NPDC1: variants seen among roughly 807,000 people sequenced by gnomAD.
NPDC1 encodes the protein neural proliferation, differentiation and control 1, also known as neural proliferation differentiation and control protein 1.
NPDC1 carries 18 observed loss-of-function variants against 32.5 expected under a neutral mutation model. The ratio of observed to expected loss-of-function variants is 0.55; its 90% CI spans 0.38 to 0.82. The LOEUF (loss-of-function observed/expected upper bound fraction) is 0.82. Ranked by LOEUF, NPDC1 falls within the 40% of genes least tolerant of loss-of-function variation. NPDC1 has a pLI of 0.00. For synonymous variants in NPDC1, 210 were observed against 184.7 expected, an observed-to-expected ratio of 1.14 and a Z score of -1.11; for missense variants, 468 against 406.6, an observed-to-expected ratio of 1.15 and a Z score of -1.30.
At chr9:137,044,917 G>A (rs1035880612) in intron 1 of NPDC1, among the ~76,000 whole-genome samples, 1 of 152,242 alleles carries the variant, frequency 6.6e-6, no homozygotes, top group Non-Finnish European at 1.5e-5. Flanking sequence ...GGCCCCTTGA[G>A]GCCACACACA....
Position 137,046,082 on chromosome 9 carries a change from G to C in NPDC1, c.-93C>G. The C allele has an allele frequency of 1.8e-6, 2 of 1,100,758 alleles. No homozygotes were observed. The highest frequency in any genetic ancestry group is 4.0e-4 in the Middle Eastern group (1 of 2,512). 68.2% of individuals were successfully genotyped at this position (1,100,758 alleles called of 1,614,324 possible). A position where few individuals can be genotyped will look rare whatever the true frequency, so the allele number is the denominator to read the frequency against. ...CGCGTCGGGAGCAGCGGAGGCAGCG[G>C]GGGAGGACGCAGGAGGAAGAAGAGG... On this transcript the variant is annotated 5_prime_UTR_variant, in exon 1 of 9. Coordinates refer to ENST00000371601, the MANE Select transcript of NPDC1 (RefSeq NM_015392.4).
chr9:137,040,795 AC>A lies in NPDC1; in HGVS notation c.556+18del. On this transcript the variant is annotated intron_variant, in intron 4 of 8. Coordinates refer to ENST00000371601, the MANE Select transcript of NPDC1 (RefSeq NM_015392.4). The stretch of plus-strand genomic sequence containing the variant: ...GCAGGGCGCCCTGCTGCCCCTGCCC[AC>A]CCCCGACCAAGACCTACCAAGGGCG... The A allele has an allele frequency of 6.3e-7, 1 of 1,585,572 alleles. No homozygotes were observed.
intron 1 of NPDC1, 125 bp from the exon 2 acceptor site, chr9:137,043,198 A>C: frequency 1.1e-6 from 1 of 886,176 alleles, no homozygotes; most frequent in African/African-American, 1.9e-5. Context: ...GGTTCTGGCC[A>C]TTGTTCTGGA....
rs1832011922 is a variant in NPDC1, at chr9:137,039,514, C to G, written c.*258G>C. Reference sequence around the variant, plus strand: ...GGCTTTTGTCTCTAGAATTACCCACCCGTTCCTGCGCTCTACGGTTCTCCA... The same window carrying G: ...GGCTTTTGTCTCTAGAATTACCCACGCGTTCCTGCGCTCTACGGTTCTCCA... On this transcript the variant is annotated 3_prime_UTR_variant, in exon 9 of 9. Transcript: ENST00000371601. 2.4e-6 allele frequency: 1 copy of G among 425,258 alleles called. No individual in the cohort carries two copies. The highest frequency in any genetic ancestry group is 4.2e-6 in the Non-Finnish European group (1 of 240,050). 26.3% of individuals were successfully genotyped at this position (425,258 alleles called of 1,614,324 possible).
chr9:137,040,129 G>A (rs908385138), intron 7 of NPDC1, 62 bp from the exon 8 acceptor site: 11 of 744,252 alleles, frequency 1.5e-5, no homozygotes, highest in Admixed American at 1.3e-4. Flanking sequence ...GCCCAGTCTG[G>A]AAGTGGGCAC....
At position 137,042,886 on chromosome 9, in the gene NPDC1, C is replaced by A. The variant is rs766639402; in HGVS notation, c.259+41G>T. 165 of 1,557,334 alleles carry A rather than the reference C, an allele frequency of 1.1e-4. 1 individual carries two copies. The South Asian group carries it at 1.6e-3, about 15-fold the overall frequency. On this transcript the variant is annotated intron_variant, in intron 2 of 8. Transcript: ENST00000371601. ...CGCTTCTTACAGGGAGAGGTTCATG[C>A]AGGGACATCCCCCCATCGACTTCCC... is the stretch of plus-strand genomic sequence containing the variant.
At position 137,040,695 on chromosome 9, in the gene NPDC1, G is replaced by T; in HGVS notation, c.599C>A (p.Ser200Tyr). 1.3e-6 allele frequency: 2 copies of T among 1,586,094 alleles called. No homozygotes were observed. The change falls in exon 5 of 9, where the codon TCC becomes TAC. Residue 200 changes from serine to tyrosine, a missense_variant. Transcript: ENST00000371601. ...CCTGCACCAGCAGAGGGAGGCTACG[G>T]AGAGGGCGGCTGCACCGGCCACACA... is the stretch of plus-strand genomic sequence containing the variant. ...AFCVAGAAAL[S>Y]VASLCWCRLQ...
At chr9:137,042,677 A>G (rs1832075122) in intron 2 of NPDC1, among the ~76,000 whole-genome samples, 1 of 149,534 alleles carries the variant, frequency 6.7e-6, no homozygotes, top group Non-Finnish European at 1.5e-5. Flanking sequence ...CTCCTGCCTC[A>G]GCCTCCTGAG....
At chr9:137,040,632 G>A (rs375075118) in intron 5 of NPDC1, 34 bp from the exon 6 acceptor site, 1 of 1,562,638 alleles carries the variant, frequency 6.4e-7, no homozygotes. Flanking sequence ...CTCTGAGCGT[G>A]TGGCACCCTC....
rs933716339 is a variant in NPDC1 at position 137,043,265 on chromosome 9, C to A, written c.113-192G>T. 5.4e-6 allele frequency: 4 copies of A among 735,320 alleles called. No homozygotes were observed. The East Asian group carries it at 1.1e-4, about 20-fold the overall frequency. 45.5% of individuals were successfully genotyped at this position (735,320 alleles called of 1,614,324 possible). On this transcript the variant is annotated intron_variant, in intron 1 of 8. Coordinates refer to ENST00000371601, the MANE Select transcript of NPDC1 (RefSeq NM_015392.4). Reference sequence around the variant, plus strand: ...AACCCGGAAGCGAACAGTCCTAGGACTTATCAGAACTACCCTGCCCCACCC... The same window carrying A: ...AACCCGGAAGCGAACAGTCCTAGGAATTATCAGAACTACCCTGCCCCACCC...
In NPDC1 at chr9:137,040,982, T is replaced by G. The variant is rs1588547649; in HGVS notation, c.388A>C (p.Thr130Pro). 6.5e-7 allele frequency: 1 copy of G among 1,535,942 alleles called. No individual in the cohort carries two copies. Among genetic ancestry groups the G allele is most frequent in the South Asian group, 1.3e-5 (1 of 78,520 alleles). The change falls in exon 4 of 9, where the codon ACC (threonine) becomes CCC (proline). Residue 130 changes from threonine to proline, a missense_variant and splice_region_variant. Physicochemically the swap from Thr to Pro is conservative, Grantham distance 38. Transcript: ENST00000371601. Reference sequence around the variant, plus strand: ...TGCCCCCGTGCCGAGAAGCCCAGGGTGGCTGCGAGAGAGGACAGGTTAGAA... The same window carrying G: ...TGCCCCCGTGCCGAGAAGCCCAGGGGGGCTGCGAGAGAGGACAGGTTAGAA... Reference protein sequence around the residue: ...KDRQRLPEPATLGFSARGQGL... With the variant: ...KDRQRLPEPAPLGFSARGQGL...
intron 6 of NPDC1, 31 bp downstream of exon 6, chr9:137,040,483 G>A (rs375911187): frequency 1.1e-5 from 17 of 1,579,662 alleles, no homozygotes; most frequent in African/African-American, 4.0e-5. Context: ...AGAGTTGGGC[G>A]GGAGCCTCAG....
rs1832127200 is a variant in NPDC1 at position 137,046,147 on chromosome 9, G to C, written c.-158C>G. 1 of 1,098,924 alleles carries C rather than the reference G, an allele frequency of 9.1e-7. No homozygotes were observed. The highest frequency in any genetic ancestry group is 1.1e-6 in the Non-Finnish European group (1 of 902,426). 68.1% of individuals were successfully genotyped at this position (1,098,924 alleles called of 1,614,324 possible). ...GAGGAGGAGGAAGAGGAAAGGCACG[G>C]GCGGCGGCGCTGACGCTGCAGCAAG... On this transcript the variant is annotated 5_prime_UTR_variant, in exon 1 of 9. Transcript: ENST00000371601.
chr9:137,040,129 G>T, intron 7 of NPDC1, 62 bp from the exon 8 acceptor site: 1 of 744,370 alleles, frequency 1.3e-6, no homozygotes, highest in Non-Finnish European at 2.5e-6. Context: ...GCCCAGTCTG[G>T]AAGTGGGCAC....
intron 7 of NPDC1, 25 bp downstream of exon 7, chr9:137,040,332 T>A: frequency 7.4e-7 from 1 of 1,357,830 alleles, no homozygotes; most frequent in Non-Finnish European, 9.7e-7. Context: ...TGGGTGGGGG[T>A]GGCAGTGCCG....
rs748746899 is a variant in NPDC1, at chr9:137,039,783, C to T, written c.967G>A (p.Ala323Thr). 32 of 773,586 alleles carry T rather than the reference C, an allele frequency of 4.1e-5. No individual in the cohort carries two copies. The East Asian group carries it at 7.8e-4, about 19-fold the overall frequency. The allele number at this position is 773,586 out of a possible 1,614,324, so 47.9% of individuals were successfully genotyped here. A position where few individuals can be genotyped will look rare whatever the true frequency, so the allele number is the denominator to read the frequency against. ...TGTCTGCCTCCAGGTCATGGCAGTG[C>T]AGGCGGTGAGCTGGGGGCCGGCAGG... ...APLPAPSSPP[A>T]LP Residue 323 changes from alanine to threonine, a missense_variant, in exon 9 of 9, where the codon GCA (alanine) becomes ACA (threonine). Coordinates refer to ENST00000371601, the MANE Select transcript of NPDC1 (RefSeq NM_015392.4).
chr9:137,041,196 G>T lies in NPDC1; in HGVS notation c.260-9C>A. The T allele has an allele frequency of 7.0e-7, 1 of 1,428,782 alleles. No homozygotes were observed. The highest frequency in any genetic ancestry group is 1.6e-5 in the South Asian group (1 of 63,132). 88.5% of individuals were successfully genotyped at this position (1,428,782 alleles called of 1,614,324 possible). ...CTGGGGCCGGCCCCCGCCTGGGGAG[G>T]GTGAGGGGCCATCAGGTGGAGGGGT... On this transcript the variant is annotated splice_polypyrimidine_tract_variant and intron_variant, in intron 2 of 8. Transcript: ENST00000371601.
Position 137,045,840 on chromosome 9 carries a change from G to A in NPDC1, c.112+38C>T, listed in dbSNP as rs1050660192. ...GTCCCCGCCCGGCGATCCCGGCCCCGGGGCGCCCCGCGGCCTGCGCCCAGC... is the reference window on the plus strand; with the variant it reads ...GTCCCCGCCCGGCGATCCCGGCCCCAGGGCGCCCCGCGGCCTGCGCCCAGC... On this transcript the variant is annotated intron_variant, in intron 1 of 8. Coordinates refer to ENST00000371601, the MANE Select transcript of NPDC1 (RefSeq NM_015392.4). 15 of 993,426 alleles carry A rather than the reference G, an allele frequency of 1.5e-5. No homozygotes were observed. The African/African-American group carries it at 2.6e-4, about 17-fold the overall frequency. 61.5% of individuals were successfully genotyped at this position (993,426 alleles called of 1,614,324 possible).
In NPDC1 at chr9:137,039,531, G is replaced by A. The variant is rs1053693363; in HGVS notation, c.*241C>T. 4 of 507,222 alleles carry A rather than the reference G, an allele frequency of 7.9e-6. No homozygotes were observed. Among genetic ancestry groups the A allele is most frequent in the African/African-American group, 2.0e-5 (1 of 51,046 alleles). 31.4% of individuals were successfully genotyped at this position (507,222 alleles called of 1,614,324 possible). On this transcript the variant is annotated 3_prime_UTR_variant, in exon 9 of 9. Transcript: ENST00000371601. ...TTACCCACCCGTTCCTGCGCTCTAC[G>A]GTTCTCCATGCCCCCTCCAGTTTGG...
Sources: allele counts gnomAD v4.1 joint callset (sites outside exome capture counted in the v4.1 genomes callset), GRCh38; gene constraint gnomAD v4.1.1; transcripts MANE v1.5; gene names NCBI Gene and HGNC (gene_info 2026-07-23, HGNC 2026-07-21).